The following RUNX1T1 variants were observed in gnomAD, a reference collection of about 807,000 sequenced individuals.
RUNX1T1 encodes RUNX1 partner transcriptional co-repressor 1, also known as protein CBFA2T1.
A neutral mutation model predicts 62.8 loss-of-function variants in RUNX1T1; 4 were observed. The ratio of observed to expected loss-of-function variants is 0.06; its 90% CI spans 0.03 to 0.15. The LOEUF (loss-of-function observed/expected upper bound fraction) is 0.15. Among genes scored for constraint, RUNX1T1 ranks in the 10% least tolerant of loss-of-function variants. RUNX1T1 has a pLI of 1.00. For missense variants in RUNX1T1, 508 were observed against 754.3 expected (o/e 0.67, Z 3.82); for synonymous variants, 291 against 286.0 (o/e 1.02, Z -0.18).
intron 1 of RUNX1T1, among the ~76,000 whole-genome samples, chr8:92,032,005 A>C (rs538971415): frequency 1.1e-4 from 16 of 148,018 alleles, no homozygotes; most frequent in Non-Finnish European, 1.5e-5. Flanking sequence ...AGGCACGAGA[A>C]TTTTTTGAAC....
At chr8:92,060,553 A>ATATATATATATATATATG in intron 1 of RUNX1T1, among the ~76,000 whole-genome samples, 3 of 63,938 alleles carry the variant, frequency 4.7e-5, no homozygotes, top group African/African-American at 1.2e-4. Flanking sequence ...ATATATATAT[A>ATATATATATATATATATG]TGTGTGTGTG....
At chr8:92,081,315 T>G (rs945780555) in intron 1 of RUNX1T1, 2 of 792,308 alleles carry the variant, frequency 2.5e-6, no homozygotes, top group Non-Finnish European at 3.1e-6. Flanking sequence ...GTAGTACCTA[T>G]TTTAATATAA....
At chr8:92,044,994 G>T (rs960535750) in intron 1 of RUNX1T1, among the ~76,000 whole-genome samples, 64 of 151,634 alleles carry the variant, frequency 4.2e-4, no homozygotes, top group Non-Finnish European at 5.4e-4. Context: ...ACTTTGGGTG[G>T]CCAAGGTGGG....
At chr8:91,965,425 G>A (rs1273274761) in intron 10 of RUNX1T1, among the ~76,000 whole-genome samples, 2 of 152,194 alleles carry the variant, frequency 1.3e-5, no homozygotes, top group Non-Finnish European at 2.9e-5. Flanking sequence ...GACAGTGAGG[G>A]AGGGAGGGAT....
chr8:92,037,542 G>A (rs1587213224), intron 1 of RUNX1T1, among the ~76,000 whole-genome samples: 1 of 152,244 alleles, frequency 6.6e-6, no homozygotes, highest in Admixed American at 6.5e-5. Flanking sequence ...AGCCAGGCAT[G>A]GTGGCATGCA....
chr8:92,100,294 T>C (rs1234377241), upstream of RUNX1T1, among the ~76,000 whole-genome samples: 1 of 152,170 alleles, frequency 6.6e-6, no homozygotes, highest in East Asian at 1.9e-4. Context: ...AAAAATAGAC[T>C]GTTTTCTCCA....
At chr8:92,101,511 C>T (rs889678972), upstream of RUNX1T1, among the ~76,000 whole-genome samples, 4 of 152,126 alleles carry the variant, frequency 2.6e-5, no homozygotes, top group Non-Finnish European at 4.4e-5. Context: ...AAGCAGCAGC[C>T]AGACTAGGGC....
chr8:91,976,966 AG>A (rs1814104192), intron 8 of RUNX1T1, among the ~76,000 whole-genome samples: 3 of 152,212 alleles, frequency 2.0e-5, no homozygotes, highest in African/African-American at 7.2e-5. Flanking sequence ...GTAAATGTTG[AG>A]TAGCATATAT....
chr8:91,979,667 A>G (rs1466811854), intron 8 of RUNX1T1: 1 of 307,098 alleles, frequency 3.3e-6, no homozygotes, highest in East Asian at 5.3e-5. Context: ...ATTCACATCT[A>G]TGAAGAGAGG....
chr8:92,084,432 A>G (rs990776505), intron 1 of RUNX1T1, among the ~76,000 whole-genome samples: 1 of 152,108 alleles, frequency 6.6e-6, no homozygotes, highest in African/African-American at 2.4e-5. Flanking sequence ...AGGTGGAAAG[A>G]GGTTGAGAAA....
At chr8:91,967,950 T>C (rs889621094) in intron 10 of RUNX1T1, among the ~76,000 whole-genome samples, 5 of 152,166 alleles carry the variant, frequency 3.3e-5, no homozygotes, top group Non-Finnish European at 7.4e-5. Context: ...GTGGGAAATA[T>C]GAGCAGATAA....
At chr8:91,958,126 GT>G (rs1377705843), downstream of RUNX1T1, 2 of 161,008 alleles carry the variant, frequency 1.2e-5, no homozygotes, top group Non-Finnish European at 2.3e-5. Context: ...CTAATGGATT[GT>G]TTTTGATTTT....
At chr8:91,963,350 A>G (rs949630073) in intron 10 of RUNX1T1, among the ~76,000 whole-genome samples, 3 of 152,234 alleles carry the variant, frequency 2.0e-5, no homozygotes, top group African/African-American at 7.2e-5. Flanking sequence ...TCTGGTTAAA[A>G]AAAAATCTGC....
In RUNX1T1 at chr8:92,017,374, C is replaced by A. The variant is rs749140387; in HGVS notation, c.8-11G>T. The A allele has an allele frequency of 1.2e-6, 2 of 1,613,810 alleles. No individual in the cohort carries two copies. The highest frequency in any genetic ancestry group is 2.2e-5 in the South Asian group (2 of 91,042). On this transcript the variant is annotated splice_polypyrimidine_tract_variant and intron_variant, in intron 1 of 10. Coordinates refer to ENST00000396218, the Ensembl canonical transcript of RUNX1T1. ...GCTTCTCAGTACGATCTGGAGGATG[C>A]CACCAGGAACATATTATTTTACTCC...
rs34547904 is a variant in RUNX1T1, at chr8:92,024,497, C to CAAAAAAAA, written c.8-7142_8-7135dup. Among the ~76,000 whole-genome samples the CAAAAAAAA allele has an allele frequency of 3.0e-3, 52 of 17,548 alleles. 8 individuals are homozygous for CAAAAAAAA. The highest frequency in any genetic ancestry group is 3.7e-3 in the African/African-American group (21 of 5,616). The allele number at this position is 17,548 out of a possible 152,430, so 11.5% of individuals were successfully genotyped here. A position where few individuals can be genotyped will look rare whatever the true frequency, so the allele number is the denominator to read the frequency against. The stretch of plus-strand genomic sequence containing the variant: ...GGGGTAACAGAGTGAAACCCCAACT[C>CAAAAAAAA]AAAAAAAAAAAAAAAAAAAAAAAAA... On this transcript the variant is annotated intron_variant, in intron 1 of 10. Coordinates refer to ENST00000396218, the Ensembl canonical transcript of RUNX1T1.
chr8:91,997,339 G>A (rs1278198046), intron 5 of RUNX1T1, among the ~76,000 whole-genome samples: 1 of 151,912 alleles, frequency 6.6e-6, no homozygotes, highest in African/African-American at 2.4e-5. Flanking sequence ...GCGGGTGTAA[G>A]TTTTTTTCTC....
At chr8:92,089,667 A>C (rs1042649877) in intron 1 of RUNX1T1, among the ~76,000 whole-genome samples, 6 of 152,110 alleles carry the variant, frequency 3.9e-5, no homozygotes, top group African/African-American at 4.8e-5. Flanking sequence ...TCCTTGGACA[A>C]GACCCAGACT....
At chr8:91,984,905 TA>T (rs1369499249) in intron 8 of RUNX1T1, among the ~76,000 whole-genome samples, 1 of 152,184 alleles carries the variant, frequency 6.6e-6, no homozygotes, top group Non-Finnish European at 1.5e-5. Flanking sequence ...GCTTGTTAGG[TA>T]AATTAACTGC....
intron 5 of RUNX1T1, chr8:92,004,789 A>C (rs72671407): frequency 4.7e-6 from 1 of 210,724 alleles, no homozygotes; most frequent in Non-Finnish European, 9.4e-6. Context: ...TAAATTACAT[A>C]ATGAATGAGA....
Sources: gnomAD v4.1 joint callset for allele counts (sites outside exome capture counted in the v4.1 genomes callset) on GRCh38, gnomAD v4.1.1 for gene constraint, MANE v1.5 for transcripts, NCBI Gene and HGNC (gene_info 2026-07-23, HGNC 2026-07-21) for gene names.